MYO5B: variants seen among roughly 807,000 people sequenced by gnomAD.
MYO5B encodes myosin VB.
A neutral mutation model predicts 229.3 loss-of-function variants in MYO5B; 143 were observed. The ratio of observed to expected loss-of-function variants is 0.62; its 90% CI spans 0.54 to 0.72. MYO5B has a LOEUF of 0.72. MYO5B is among the 30% of genes least tolerant of loss of function. MYO5B has a pLI of 0.00. For synonymous variants in MYO5B, 918 were observed against 885.2 expected (o/e 1.04, Z -0.66); for missense variants, 2,321 against 2,331.0 (o/e 1.00, Z 0.09).
At chr18:50,103,261 T>G (rs146240886) in intron 1 of MYO5B, among the ~76,000 whole-genome samples, 1 of 152,358 alleles carries the variant, frequency 6.6e-6, no homozygotes, top group African/African-American at 2.4e-5. Context: ...TAAGCCACTA[T>G]CTTAGTTTCC....
chr18:49,995,588 C>T (rs1299663952), intron 5 of MYO5B, among the ~76,000 whole-genome samples: 1 of 152,052 alleles, frequency 6.6e-6, no homozygotes, highest in Non-Finnish European at 1.5e-5. Context: ...TCAGAAGATG[C>T]TAGAAAACCA....
chr18:49,831,068 T>C (rs1282623950), intron 39 of MYO5B, among the ~76,000 whole-genome samples: 1 of 151,886 alleles, frequency 6.6e-6, no homozygotes, highest in Admixed American at 6.6e-5. Context: ...CTTTGACAAA[T>C]GGTGCTGAGA....
At chr18:50,063,485 C>T (rs984621695) in intron 1 of MYO5B, among the ~76,000 whole-genome samples, 7 of 152,106 alleles carry the variant, frequency 4.6e-5, no homozygotes, top group East Asian at 1.9e-4. Context: ...TGACAGAGAA[C>T]TAGGGTATGC....
intron 17 of MYO5B, among the ~76,000 whole-genome samples, chr18:49,924,092 T>G (rs1370808232): frequency 6.6e-6 from 1 of 152,204 alleles, no homozygotes; most frequent in East Asian, 1.9e-4. Flanking sequence ...TACATGTTTT[T>G]TAAACTGAGC....
chr18:50,092,444 G>A (rs1490203799), intron 1 of MYO5B, among the ~76,000 whole-genome samples: 1 of 152,230 alleles, frequency 6.6e-6, no homozygotes, highest in Non-Finnish European at 1.5e-5. Context: ...TCCTGCTGCT[G>A]CTGCTGCGTT....
chr18:50,119,933 A>G (rs907236), intron 1 of MYO5B, among the ~76,000 whole-genome samples: 93,699 of 150,024 alleles, frequency 0.62, 29,031 homozygotes, highest in Admixed American at 0.7. Context: ...GGCTAGAACC[A>G]AGAGAGAGGG....
chr18:50,153,837 C>T (rs971414230), intron 1 of MYO5B, among the ~76,000 whole-genome samples: 8 of 152,080 alleles, frequency 5.3e-5, no homozygotes, highest in Admixed American at 2.6e-4. Flanking sequence ...GAGTGAGTGA[C>T]GACACCAGTG....
chr18:50,028,767 C>T (rs574759680), intron 4 of MYO5B, among the ~76,000 whole-genome samples: 1 of 152,204 alleles, frequency 6.6e-6, no homozygotes, highest in African/African-American at 2.4e-5. Flanking sequence ...TAATTTCCAC[C>T]GGGTGACGCA....
intron 8 of MYO5B, among the ~76,000 whole-genome samples, chr18:49,981,998 GA>G (rs933836305): frequency 3.3e-5 from 5 of 152,180 alleles, no homozygotes; most frequent in African/African-American, 1.2e-4. Context: ...AAGTCCCATT[GA>G]AAGTGCTAGA....
At chr18:50,040,727 T>C (rs2029988442) in intron 2 of MYO5B, among the ~76,000 whole-genome samples, 1 of 152,222 alleles carries the variant, frequency 6.6e-6, no homozygotes, top group Non-Finnish European at 1.5e-5. Context: ...GATCATCTTG[T>C]ATCTGATGAA....
chr18:49,834,859 T>C (rs894909620), intron 39 of MYO5B, among the ~76,000 whole-genome samples: 2 of 152,120 alleles, frequency 1.3e-5, no homozygotes, highest in Non-Finnish European at 2.9e-5. Flanking sequence ...AGGATGGTCT[T>C]GATCTCCTGA....
intron 12 of MYO5B, among the ~76,000 whole-genome samples, chr18:49,961,419 C>T (rs746053319): frequency 9.2e-5 from 14 of 152,194 alleles, no homozygotes; most frequent in African/African-American, 3.4e-4. Context: ...TTTTCAAAGG[C>T]AACAAAACTA....
chr18:49,827,646 T>C (rs1354108053), intron 39 of MYO5B, among the ~76,000 whole-genome samples: 1 of 151,616 alleles, frequency 6.6e-6, no homozygotes, highest in East Asian at 1.9e-4. Context: ...ATAAAAATAA[T>C]GAGGTAAAAA....
At chr18:49,970,935 G>A (rs1344166051) in intron 10 of MYO5B, 1 of 152,114 alleles carries the variant, frequency 6.6e-6, no homozygotes, top group East Asian at 1.9e-4. Context: ...GTTCTCTCTG[G>A]ACTCCACTTT....
chr18:50,055,874 G>A (rs2030537013), intron 1 of MYO5B, among the ~76,000 whole-genome samples: 1 of 152,212 alleles, frequency 6.6e-6, no homozygotes, highest in Non-Finnish European at 1.5e-5. Context: ...AATGGAAAGT[G>A]TATTTAAGTA....
intron 6 of MYO5B, among the ~76,000 whole-genome samples, chr18:49,991,652 C>T (rs956815591): frequency 2.0e-5 from 3 of 152,094 alleles, no homozygotes; most frequent in Non-Finnish European, 4.4e-5. Flanking sequence ...GGGAGGGGAA[C>T]ATCAAACACC....
intron 14 of MYO5B, among the ~76,000 whole-genome samples, chr18:49,952,526 G>T (rs2025441202): frequency 6.6e-6 from 1 of 152,276 alleles, no homozygotes; most frequent in South Asian, 2.1e-4. Flanking sequence ...CCCATTAGAA[G>T]GGGAGCAACC....
rs753365492 is a variant in MYO5B, at chr18:49,843,352, G to A, written c.4500C>T (p.Leu1500=). Residue 1500 remains leucine (L), a synonymous_variant, in exon 34 of 40, where the codon CTC becomes CTT. Transcript: ENST00000285039. ...TGCACATGTAGAGGATGTAGGCGGG[G>A]AGACAGGGCACTGTGCCCGACAGCA... ...PQMLSGTVPC[L]PAYILYMCIR... 2.8e-5 allele frequency: 45 copies of A among 1,614,074 alleles called. No homozygotes were observed. Among genetic ancestry groups the A allele is most frequent in the Non-Finnish European group, 3.6e-5 (42 of 1,180,034 alleles).
intron 1 of MYO5B, among the ~76,000 whole-genome samples, chr18:50,119,520 G>T (rs1329612574): frequency 6.6e-6 from 1 of 152,142 alleles, no homozygotes; most frequent in African/African-American, 2.4e-5. Context: ...GCATGACAGG[G>T]TCAGAGAGAG....
Sources: allele counts gnomAD v4.1 joint callset (sites outside exome capture counted in the v4.1 genomes callset), GRCh38; gene constraint gnomAD v4.1.1; transcripts MANE v1.5; gene names NCBI Gene and HGNC (gene_info 2026-07-23, HGNC 2026-07-21).